Variants in SHANK2 observed in about 807,000 individuals in gnomAD.
The protein encoded by SHANK2 is SH3 and multiple ankyrin repeat domains 2, also known as SH3 and multiple ankyrin repeat domains protein 2.
Under a neutral mutation model 133.7 loss-of-function variants are expected in SHANK2, and 43 were observed. That is an observed-to-expected ratio of 0.32 (90% CI 0.25 to 0.41). The LOEUF (loss-of-function observed/expected upper bound fraction) is 0.41, where lower values mean the gene tolerates loss of function less well. Ranked by LOEUF, SHANK2 falls within the 10% of genes least tolerant of loss-of-function variation. The pLI is 1.00. For synonymous variants in SHANK2, 1,017 were observed against 952.8 expected, an observed-to-expected ratio of 1.07 and a Z score of -1.24; for missense variants, 1,994 against 2,235.8, an observed-to-expected ratio of 0.89 and a Z score of 2.18.
rs576793978 is a variant in SHANK2, at chr11:70,756,012, G to A, written c.1777+42431C>T. 9.9e-5 allele frequency among the ~76,000 whole-genome samples: 15 copies of A among 152,260 alleles called. No homozygotes were observed. The East Asian group carries it at 1.5e-3, about 16-fold the overall frequency. The stretch of plus-strand genomic sequence containing the variant: ...TCACCGAGCCCCGGACCCCACTGAC[G>A]TCCTGGGGCCAAAGGCCTCTGTGAT... On this transcript the variant is annotated intron_variant, in intron 14 of 25. Coordinates refer to ENST00000601538, the MANE Select transcript of SHANK2 (RefSeq NM_012309.5).
intron 2 of SHANK2, among the ~76,000 whole-genome samples, chr11:71,211,174 G>A (rs1954270829): frequency 7.0e-6 from 1 of 141,910 alleles, no homozygotes. Context: ...AGCACACTGT[G>A]TCCTATTGGT....
chr11:70,609,257 C>T (rs1222711363), intron 17 of SHANK2, among the ~76,000 whole-genome samples: 10 of 152,182 alleles, frequency 6.6e-5, no homozygotes, highest in South Asian at 4.1e-4. Flanking sequence ...CTAGGTCTGA[C>T]GGCAGATGGT....
intron 1 of SHANK2, among the ~76,000 whole-genome samples, chr11:71,228,543 AGGTCAG>A (rs1954682602): frequency 2.0e-5 from 3 of 152,194 alleles, no homozygotes. Flanking sequence ...GCATTACCCG[AGGTCAG>A]GAGTTCAAGG....
intron 6 of SHANK2, among the ~76,000 whole-genome samples, chr11:71,096,940 T>G (rs1468283701): frequency 6.6e-6 from 1 of 152,186 alleles, no homozygotes; most frequent in Non-Finnish European, 1.5e-5. Context: ...GAATTACAGA[T>G]GCCTGCAGCC....
At position 71,125,499 on chromosome 11, in the gene SHANK2, G is replaced by T. The variant is rs565989755; in HGVS notation, c.208-6467C>A. 1.1e-3 allele frequency among the ~76,000 whole-genome samples: 175 copies of T among 152,324 alleles called. 1 individual carries two copies. Among genetic ancestry groups the T allele is most frequent in the African/African-American group, 4.1e-3 (169 of 41,568 alleles). ...CATTTAAACCAAAGCCTCATCCAGAGCAAGGCCCTGACTCTCTTCAATTCT... is the reference window on the plus strand; with the variant it reads ...CATTTAAACCAAAGCCTCATCCAGATCAAGGCCCTGACTCTCTTCAATTCT... On this transcript the variant is annotated intron_variant, in intron 3 of 25. Transcript: ENST00000601538.
intron 10 of SHANK2, among the ~76,000 whole-genome samples, chr11:70,926,131 G>A (rs1555081552): frequency 6.6e-6 from 1 of 151,980 alleles, no homozygotes; most frequent in African/African-American, 2.4e-5. Flanking sequence ...AAATTAGCTG[G>A]GTGTGGTGGT....
intron 17 of SHANK2, among the ~76,000 whole-genome samples, chr11:70,526,077 A>T (rs1032420733): frequency 4.1e-5 from 6 of 146,954 alleles, no homozygotes; most frequent in Non-Finnish European, 7.4e-5. Flanking sequence ...AATGGAATGA[A>T]CTCCTGGTAG....
intron 17 of SHANK2, among the ~76,000 whole-genome samples, chr11:70,554,314 C>G (rs72942887): frequency 0.011 from 1,610 of 152,310 alleles, 13 homozygotes; most frequent in Non-Finnish European, 0.017. Flanking sequence ...TCAATGCGTG[C>G]TCAGATGATC....
intron 14 of SHANK2, among the ~76,000 whole-genome samples, chr11:70,768,111 T>C (rs1468925474): frequency 4.6e-5 from 7 of 152,106 alleles, no homozygotes; most frequent in Admixed American, 1.3e-4. Flanking sequence ...TGTTTCCTTC[T>C]CTGTAAAGTG....
chr11:70,584,261 T>C (rs1448326687), intron 17 of SHANK2, among the ~76,000 whole-genome samples: 1 of 152,144 alleles, frequency 6.6e-6, no homozygotes, highest in African/African-American at 2.4e-5. Flanking sequence ...GGCGCTCGAA[T>C]CACATGCAGG....
At chr11:70,676,920 C>CAG (rs373496426) in intron 15 of SHANK2, among the ~76,000 whole-genome samples, 5 of 152,278 alleles carry the variant, frequency 3.3e-5, no homozygotes, top group African/African-American at 1.2e-4. Context: ...GTTCAGAAAA[C>CAG]AGAACTAAGG....
intron 14 of SHANK2, among the ~76,000 whole-genome samples, chr11:70,781,792 A>G (rs1184078806): frequency 1.6e-5 from 2 of 125,686 alleles, no homozygotes; most frequent in Non-Finnish European, 3.2e-5. Flanking sequence ...AAATCATGCT[A>G]CTGTAAAGAC....
chr11:70,777,176 CACCCATCCATTTACCCATCCACCT>C (rs1453788180), intron 14 of SHANK2, among the ~76,000 whole-genome samples: 1 of 151,446 alleles, frequency 6.6e-6, no homozygotes, highest in Non-Finnish European at 1.5e-5. Context: ...CTCACTCATC[CACCCATCCATTTACCCATCCACCT>C]ACCCATCCAT....
Position 70,469,824 on chromosome 11 carries a change from T to A in SHANK2, c.*3045A>T, listed in dbSNP as rs1488067411. The A allele has an allele frequency of 6.6e-6, 1 of 152,666 alleles. No homozygotes were observed. Among genetic ancestry groups the A allele is most frequent in the Non-Finnish European group, 1.5e-5 (1 of 68,044 alleles). 9.5% of individuals were successfully genotyped at this position (152,666 alleles called of 1,614,324 possible). A position where few individuals can be genotyped will look rare whatever the true frequency, so the allele number is the denominator to read the frequency against. ...AAGTTCAGCAAATCAACAGTCACAT[T>A]GAGTAATTTTTATATTATGTGAATT... On this transcript the variant is annotated 3_prime_UTR_variant, in exon 26 of 26. Transcript: ENST00000601538.
chr11:70,473,112 C>G lies in SHANK2; in HGVS notation c.5307G>C (p.Leu1769=). 1 of 1,614,248 alleles carries G rather than the reference C, an allele frequency of 6.2e-7. No homozygotes were observed. The highest frequency in any genetic ancestry group is 8.5e-7 in the Non-Finnish European group (1 of 1,180,046). ...AAGGCTTATTTGAGATTGGCTGTTG[C>G]AGTATCGAGGGGGATGGCGACCTAC... ...GRSRSPSPSI[L]QQPISNKPFT... is the part of the protein sequence containing the mutation. Residue 1769 remains leucine, a synonymous_variant, in exon 26 of 26, where the codon CTG becomes CTC. Coordinates refer to ENST00000601538, the MANE Select transcript of SHANK2 (RefSeq NM_012309.5). The surrounding 1 kb of genome is among the most constrained non-coding windows in gnomAD (Gnocchi z 5.9).
At chr11:70,781,086 G>C (rs1317462822) in intron 14 of SHANK2, among the ~76,000 whole-genome samples, 1 of 151,902 alleles carries the variant, frequency 6.6e-6, no homozygotes, top group Non-Finnish European at 1.5e-5. Flanking sequence ...AGGAGTGAGG[G>C]GTTCCATTCG....
chr11:71,101,517 T>C (rs1368036162), intron 6 of SHANK2, among the ~76,000 whole-genome samples: 1 of 152,246 alleles, frequency 6.6e-6, no homozygotes, highest in African/African-American at 2.4e-5. Context: ...AGCTCCTTCA[T>C]TGGCACTGGG....
At chr11:70,877,260 C>A (rs1384373711) in intron 11 of SHANK2, among the ~76,000 whole-genome samples, 3 of 152,254 alleles carry the variant, frequency 2.0e-5, no homozygotes, top group Non-Finnish European at 4.4e-5. Context: ...AGGGCCCCAG[C>A]CAGGGTCAGG....
chr11:70,584,465 C>T (rs1565152055), intron 17 of SHANK2, among the ~76,000 whole-genome samples: 1 of 152,044 alleles, frequency 6.6e-6, no homozygotes, highest in Non-Finnish European at 1.5e-5. Flanking sequence ...AAACAGAGGC[C>T]ACCCCACCCC....
Sources: gnomAD v4.1 joint callset for allele counts (sites outside exome capture counted in the v4.1 genomes callset) on GRCh38, gnomAD v4.1.1 for gene constraint, Gnocchi (gnomAD v3.1) non-coding constraint, MANE v1.5 for transcripts, NCBI Gene and HGNC (gene_info 2026-07-23, HGNC 2026-07-21) for gene names.